Variants in CATSPERE observed in about 807,000 individuals in gnomAD.
CATSPERE encodes cation channel sperm-associated auxiliary subunit epsilon.
CATSPERE carries 93 observed loss-of-function variants against 114.1 expected under a neutral mutation model. The ratio of observed to expected loss-of-function variants is 0.81; its 90% CI spans 0.69 to 0.97. The LOEUF (loss-of-function observed/expected upper bound fraction) is 0.97. CATSPERE is among the 50% of genes least tolerant of loss of function. The pLI, the probability that CATSPERE is intolerant of heterozygous loss-of-function variation, is 0.00. For synonymous variants in CATSPERE, 341 were observed against 384.1 expected (o/e 0.89, Z 1.31); for missense variants, 1,058 against 1,131.6 (o/e 0.93, Z 0.93).
chr1:244,451,863 G>T, upstream of CATSPERE: 1 of 1,500,952 alleles, frequency 6.7e-7, no homozygotes, highest in Non-Finnish European at 8.9e-7. The surrounding 1 kb of genome is among the most constrained non-coding windows in gnomAD (Gnocchi z 6.6). Context: ...CGGCCGGCGA[G>T]GAGTGAGCGA....
intron 10 of CATSPERE, among the ~76,000 whole-genome samples, chr1:244,565,167 T>C (rs1663248071): frequency 6.6e-6 from 1 of 152,254 alleles, no homozygotes; most frequent in South Asian, 2.1e-4. Context: ...TTACTGAGGA[T>C]TTTTGCAACG....
intron 8 of CATSPERE, among the ~76,000 whole-genome samples, chr1:244,525,478 TTAAAGTATAA>T (rs1388718565): frequency 6.8e-6 from 1 of 146,242 alleles, no homozygotes; most frequent in Non-Finnish European, 1.5e-5. Flanking sequence ...ACCCTAAAAC[TTAAAGTATAA>T]TAATAATAAA....
At chr1:244,623,714 T>G (rs1300629759) in intron 20 of CATSPERE, among the ~76,000 whole-genome samples, 1 of 152,234 alleles carries the variant, frequency 6.6e-6, no homozygotes, top group Non-Finnish European at 1.5e-5. Context: ...GTGAATTTTT[T>G]GGTTTCCCAG....
At chr1:244,533,160 T>C (rs1174791466) in intron 8 of CATSPERE, among the ~76,000 whole-genome samples, 2 of 117,324 alleles carry the variant, frequency 1.7e-5, no homozygotes, top group Non-Finnish European at 3.4e-5. Context: ...TTTTGTCTGA[T>C]ATAAGTATAG....
At chr1:244,560,358 A>T (rs935663313) in intron 9 of CATSPERE, among the ~76,000 whole-genome samples, 3 of 149,864 alleles carry the variant, frequency 2.0e-5, no homozygotes, top group Non-Finnish European at 4.4e-5. Flanking sequence ...AGGTATGAGG[A>T]CACAAAGGCG....
In CATSPERE at chr1:244,632,353, C is replaced by T. The variant is rs531215065; in HGVS notation, c.2649-3136C>T. On this transcript the variant is annotated intron_variant, in intron 20 of 21. Coordinates refer to ENST00000366534, the MANE Select transcript of CATSPERE (RefSeq NM_001130957.2). ...AGGTTGCAGTGAGGCAAGATCATGC[C>T]ATTGCACTCCAGCCTGGGCAATAGA... 2.4e-4 allele frequency among the ~76,000 whole-genome samples: 30 copies of T among 123,906 alleles called. No homozygotes were observed. The South Asian group carries it at 3.5e-3, about 15-fold the overall frequency. The allele number at this position is 123,906 out of a possible 152,430, so 81.3% of individuals were successfully genotyped here.
At chr1:244,527,751 A>C (rs1290006138) in intron 8 of CATSPERE, among the ~76,000 whole-genome samples, 2 of 152,198 alleles carry the variant, frequency 1.3e-5, no homozygotes. Context: ...TTGGGGAACT[A>C]ATAAATGTCC....
At chr1:244,538,928 C>T (rs1680779832) in intron 8 of CATSPERE, among the ~76,000 whole-genome samples, 2 of 152,046 alleles carry the variant, frequency 1.3e-5, no homozygotes, top group African/African-American at 4.8e-5. Flanking sequence ...GGGCACCACA[C>T]CAGAGGGACT....
At chr1:244,563,769 C>G (rs1293855078) in intron 10 of CATSPERE, among the ~76,000 whole-genome samples, 2 of 152,134 alleles carry the variant, frequency 1.3e-5, no homozygotes, top group East Asian at 3.8e-4. Flanking sequence ...TAATTAGATC[C>G]CATTTGTCGA....
intron 13 of CATSPERE, 76 bp from the exon 14 acceptor site, chr1:244,588,406 A>G (rs1030508812): frequency 8.4e-6 from 9 of 1,066,638 alleles, no homozygotes; most frequent in African/African-American, 3.1e-5. Context: ...CTAAAATGCA[A>G]TTGGTTTTAG....
intron 7 of CATSPERE, among the ~76,000 whole-genome samples, chr1:244,506,884 A>C (rs1045697874): frequency 1.3e-5 from 2 of 152,154 alleles, no homozygotes; most frequent in Admixed American, 6.5e-5. Flanking sequence ...GTTTATATCC[A>C]TTAACCAGCC....
At chr1:244,475,709 G>C (rs1669231494) in intron 2 of CATSPERE, among the ~76,000 whole-genome samples, 1 of 151,258 alleles carries the variant, frequency 6.6e-6, no homozygotes, top group Non-Finnish European at 1.5e-5. Flanking sequence ...GCTTATTTTT[G>C]TATTTTTAGT....
rs373526420 is a variant in CATSPERE at position 244,494,602 on chromosome 1, TA to T, written c.351+4142del. Among the ~76,000 whole-genome samples the T allele has an allele frequency of 2.0e-3, 279 of 139,956 alleles. 1 individual carries two copies. The highest frequency in any genetic ancestry group is 7.2e-3 in the Middle Eastern group (2 of 276). 91.8% of individuals were successfully genotyped at this position (139,956 alleles called of 152,430 possible). A position where few individuals can be genotyped will look rare whatever the true frequency, so the allele number is the denominator to read the frequency against. On this transcript the variant is annotated intron_variant, in intron 6 of 21. Coordinates refer to ENST00000366534, the MANE Select transcript of CATSPERE (RefSeq NM_001130957.2). ...ATGTACCCTAAAACTTAAAGTATAA[TA>T]AAAAAAAAAAGTATGAAGGGGGTCC...
At chr1:244,590,730 A>C (rs189017127) in intron 14 of CATSPERE, among the ~76,000 whole-genome samples, 1 of 152,306 alleles carries the variant, frequency 6.6e-6, no homozygotes, top group African/African-American at 2.4e-5. Context: ...GCATTCACCT[A>C]AGTCTGCTTT....
Position 244,552,043 on chromosome 1 carries a change from G to A in CATSPERE, c.537-279G>A, listed in dbSNP as rs144057418. On this transcript the variant is annotated intron_variant, in intron 8 of 21. Coordinates refer to ENST00000366534, the MANE Select transcript of CATSPERE (RefSeq NM_001130957.2). The stretch of plus-strand genomic sequence containing the variant: ...CGCACCACTGCACTCCAGCCTGGGC[G>A]ACAGAGAGACACTCTGTCTCCAAAA... Among the ~76,000 whole-genome samples the A allele has an allele frequency of 2.7e-3, 290 of 108,336 alleles. 6 individuals are homozygous for A. In the East Asian group the frequency reaches 0.066, roughly 25 times the overall value. The allele number at this position is 108,336 out of a possible 152,430, so 71.1% of individuals were successfully genotyped here. A position where few individuals can be genotyped will look rare whatever the true frequency, so the allele number is the denominator to read the frequency against.
At chr1:244,559,165 G>C (rs1662161457) in intron 9 of CATSPERE, among the ~76,000 whole-genome samples, 1 of 152,164 alleles carries the variant, frequency 6.6e-6, no homozygotes, top group Non-Finnish European at 1.5e-5. Context: ...TTTATGACGT[G>C]TTCCTCTTCC....
chr1:244,482,783 C>A (rs1387068095), intron 5 of CATSPERE, among the ~76,000 whole-genome samples: 1 of 152,116 alleles, frequency 6.6e-6, no homozygotes, highest in African/African-American at 2.4e-5. Flanking sequence ...GAGTTAGACA[C>A]TATCCTGGAT....
intron 4 of CATSPERE, among the ~76,000 whole-genome samples, chr1:244,478,926 G>A (rs972965366): frequency 6.0e-5 from 9 of 149,642 alleles, no homozygotes; most frequent in Non-Finnish European, 1.2e-4. Context: ...TACTCAGGAG[G>A]CTGAGGCAGG....
At chr1:244,474,605 C>G (rs1447218657) in intron 2 of CATSPERE, among the ~76,000 whole-genome samples, 1 of 151,754 alleles carries the variant, frequency 6.6e-6, no homozygotes, top group Non-Finnish European at 1.5e-5. Flanking sequence ...TTGCTCTGTT[C>G]CAAACATTTT....
Sources: gnomAD v4.1 joint callset for allele counts (sites outside exome capture counted in the v4.1 genomes callset) on GRCh38, gnomAD v4.1.1 for gene constraint, Gnocchi (gnomAD v3.1) non-coding constraint, MANE v1.5 for transcripts, NCBI Gene and HGNC (gene_info 2026-07-23, HGNC 2026-07-21) for gene names.